Variants in MAPKAPK2 observed in about 807,000 individuals in gnomAD.
MAPKAPK2 encodes MAPK activated protein kinase 2.
Under a neutral mutation model 48.8 loss-of-function variants are expected in MAPKAPK2, and 9 were observed. The observed-to-expected ratio is 0.18, with a 90% CI of 0.11 to 0.32. MAPKAPK2 has a LOEUF of 0.32. Among genes scored for constraint, MAPKAPK2 ranks in the 10% least tolerant of loss-of-function variants. MAPKAPK2 has a pLI of 1.00. For synonymous variants in MAPKAPK2, 202 were observed against 190.6 expected (o/e 1.06, Z -0.49); for missense variants, 331 against 498.3 (o/e 0.66, Z 3.20).
chr1:206,712,008 T>G (rs1673161945), intron 1 of MAPKAPK2, among the ~76,000 whole-genome samples: 1 of 152,194 alleles, frequency 6.6e-6, no homozygotes, highest in African/African-American at 2.4e-5. Flanking sequence ...TGATGGATAC[T>G]ATCATAAACT....
intron 1 of MAPKAPK2, among the ~76,000 whole-genome samples, chr1:206,691,482 G>GATTATATATATATATATATATATATAT (rs1553426251): frequency 1.3e-5 from 1 of 77,294 alleles, no homozygotes; most frequent in Non-Finnish European, 2.8e-5. Context: ...TGTATTTTAA[G>GATTATATATATATATATATATATATAT]ATATATATAT....
chr1:206,697,557 C>G (rs1328584371), intron 1 of MAPKAPK2, among the ~76,000 whole-genome samples: 1 of 152,072 alleles, frequency 6.6e-6, no homozygotes, highest in Admixed American at 6.6e-5. Context: ...GCCCTCGACT[C>G]TTTTTAACAA....
intron 1 of MAPKAPK2, among the ~76,000 whole-genome samples, chr1:206,691,868 A>G (rs1329538674): frequency 1.3e-5 from 2 of 152,200 alleles, no homozygotes; most frequent in African/African-American, 2.4e-5. Context: ...GCCTGTGTCC[A>G]GTTAATGAAT....
intron 1 of MAPKAPK2, among the ~76,000 whole-genome samples, chr1:206,713,334 G>A (rs566653137): frequency 2.3e-4 from 35 of 152,300 alleles, no homozygotes; most frequent in African/African-American, 8.2e-4. Context: ...GACAAGGCCT[G>A]GCTTGCCTGA....
At chr1:206,713,788 C>T (rs1673233435) in intron 1 of MAPKAPK2, among the ~76,000 whole-genome samples, 1 of 152,160 alleles carries the variant, frequency 6.6e-6, no homozygotes, top group Admixed American at 6.6e-5. Flanking sequence ...ATTGCTTGAA[C>T]CCAAGAGGCG....
chr1:206,709,355 T>G (rs919928239), intron 1 of MAPKAPK2, among the ~76,000 whole-genome samples: 16 of 152,212 alleles, frequency 1.1e-4, no homozygotes, highest in African/African-American at 3.9e-4. Context: ...TAATACTCTT[T>G]TACAGATGTG....
At chr1:206,723,636 C>T (rs1553431533) in intron 1 of MAPKAPK2, among the ~76,000 whole-genome samples, 2 of 152,210 alleles carry the variant, frequency 1.3e-5, no homozygotes, top group Admixed American at 1.3e-4. Context: ...TTCCTGTCCT[C>T]TGGCTCAGCC....
At chr1:206,726,964 G>A (rs1046518761) in intron 1 of MAPKAPK2, among the ~76,000 whole-genome samples, 3 of 152,000 alleles carry the variant, frequency 2.0e-5, no homozygotes, top group African/African-American at 4.8e-5. Flanking sequence ...TATCACCCCA[G>A]CTCCACTCCA....
At chr1:206,709,474 T>C (rs1673071873) in intron 1 of MAPKAPK2, among the ~76,000 whole-genome samples, 1 of 152,210 alleles carries the variant, frequency 6.6e-6, no homozygotes, top group Admixed American at 6.5e-5. Context: ...AGCTAGGTAC[T>C]TGATCTGTGA....
chr1:206,732,141 C>T lies in MAPKAPK2; in HGVS notation c.1059+222C>T. ...AAACTCAGTGCTGTTTCTTAGAATC[C>T]TTTTATTCCCTGGGTCTCTAATGGG... On this transcript the variant is annotated intron_variant, in intron 9 of 9. Coordinates refer to ENST00000367103, the MANE Select transcript of MAPKAPK2 (RefSeq NM_032960.4). This position sits in a 1 kb window ranked among gnomAD's most constrained non-coding sequence, Gnocchi z 4.4. 1.2e-6 allele frequency: 2 copies of T among 1,613,900 alleles called. No homozygotes were observed. Among genetic ancestry groups the T allele is most frequent in the South Asian group, 1.1e-5 (1 of 91,084 alleles).
chr1:206,708,957 T>C (rs181941193), intron 1 of MAPKAPK2, among the ~76,000 whole-genome samples: 2 of 152,264 alleles, frequency 1.3e-5, no homozygotes, highest in Non-Finnish European at 2.9e-5. Flanking sequence ...TTCCATTGTA[T>C]AGATATGATA....
At chr1:206,706,756 G>A (rs1308642623) in intron 1 of MAPKAPK2, among the ~76,000 whole-genome samples, 4 of 152,202 alleles carry the variant, frequency 2.6e-5, no homozygotes, top group Non-Finnish European at 5.9e-5. Context: ...TTTCTTGCCC[G>A]TGGGTGGGGC....
intron 5 of MAPKAPK2, 94 bp downstream of exon 5, chr1:206,730,192 A>T: frequency 6.7e-7 from 1 of 1,498,658 alleles, no homozygotes; most frequent in Non-Finnish European, 9.1e-7. Flanking sequence ...ATCCTAGGAG[A>T]GTTGTGTCTG....
intron 1 of MAPKAPK2, among the ~76,000 whole-genome samples, chr1:206,697,403 C>T (rs1290279907): frequency 6.6e-6 from 1 of 152,152 alleles, no homozygotes; most frequent in East Asian, 1.9e-4. Context: ...AGGTTTATTG[C>T]TCACAGTTCT....
chr1:206,702,137 T>C (rs918408187), intron 1 of MAPKAPK2, among the ~76,000 whole-genome samples: 3 of 152,240 alleles, frequency 2.0e-5, no homozygotes, highest in Admixed American at 2.0e-4. Flanking sequence ...GCTTATCCCT[T>C]TTCAAGAAAA....
intron 1 of MAPKAPK2, among the ~76,000 whole-genome samples, chr1:206,687,932 T>C (rs1553425798): frequency 2.6e-5 from 4 of 152,238 alleles, no homozygotes; most frequent in African/African-American, 9.6e-5. Context: ...AAGTCTGCTA[T>C]GTTGCAGCCC....
At chr1:206,709,106 C>T (rs919859760) in intron 1 of MAPKAPK2, among the ~76,000 whole-genome samples, 6 of 152,156 alleles carry the variant, frequency 3.9e-5, no homozygotes, top group African/African-American at 1.2e-4. Flanking sequence ...GGGTAAACAA[C>T]GAGGAGTGTG....
rs1424297313 is a variant in MAPKAPK2, at chr1:206,691,504, T to TATATATATATATAC, written c.279+5997_279+5998insTATATATATATACA. ...TAAGATATATATATATATATATATATACACACATACACAGATATAGATATG... is the reference window on the plus strand; with the variant it reads ...TAAGATATATATATATATATATATATATATATATATATACACACACATACACAGATATAGATATG... On this transcript the variant is annotated intron_variant, in intron 1 of 9. Coordinates refer to ENST00000367103, the MANE Select transcript of MAPKAPK2 (RefSeq NM_032960.4). Among the ~76,000 whole-genome samples the TATATATATATATAC allele has an allele frequency of 5.3e-3, 596 of 112,056 alleles. 18 individuals carry two copies. The highest frequency in any genetic ancestry group is 0.012 in the African/African-American group (402 of 32,606). 73.5% of individuals were successfully genotyped at this position (112,056 alleles called of 152,430 possible).
At chr1:206,722,881 G>A (rs571163767) in intron 1 of MAPKAPK2, among the ~76,000 whole-genome samples, 54 of 152,346 alleles carry the variant, frequency 3.5e-4, no homozygotes, top group Non-Finnish European at 6.3e-4. Context: ...CAGAGGCGCC[G>A]GTGGTCCGGG....
Sources: gnomAD v4.1 joint callset for allele counts (sites outside exome capture counted in the v4.1 genomes callset) on GRCh38, gnomAD v4.1.1 for gene constraint, Gnocchi (gnomAD v3.1) non-coding constraint, MANE v1.5 for transcripts, NCBI Gene and HGNC (gene_info 2026-07-23, HGNC 2026-07-21) for gene names.